Variants in SLC60A1 observed in about 807,000 individuals in gnomAD.
SLC60A1 encodes major facilitator superfamily domain containing 4.
At chr1:205,580,579 T>C in the SLC60A1 span, 1 of 1,537,732 alleles carries the variant, frequency 6.5e-7, no homozygotes, top group Non-Finnish European at 8.8e-7. This position sits in a 1 kb window ranked among gnomAD's most constrained non-coding sequence, Gnocchi z 5.0. Context: ...GTGTGGGTCC[T>C]CTGGACCGGA....
chr1:205,569,711 G>A, the SLC60A1 span, among the ~76,000 whole-genome samples: 82 of 152,164 alleles, frequency 5.4e-4, no homozygotes, highest in Middle Eastern at 3.4e-3. Context: ...CCCGGCTGCC[G>A]GGGGCGGGAT....
the SLC60A1 span, among the ~76,000 whole-genome samples, chr1:205,569,494 C>T: frequency 6.7e-6 from 1 of 148,328 alleles, no homozygotes; most frequent in African/African-American, 2.5e-5. Context: ...CTCCCTCCCT[C>T]CCCCGCAGCT....
the SLC60A1 span, chr1:205,586,155 C>T: frequency 2.5e-6 from 4 of 1,613,848 alleles, no homozygotes; most frequent in Non-Finnish European, 3.4e-6. Context: ...CGGCTCCTCT[C>T]CATTCCCATA....
the SLC60A1 span, among the ~76,000 whole-genome samples, chr1:205,592,914 T>C: frequency 6.6e-6 from 1 of 152,174 alleles, no homozygotes; most frequent in East Asian, 1.9e-4. Context: ...TTTTGTAAGC[T>C]AATTTTCAGT....
At chr1:205,579,157 C>T in the SLC60A1 span, among the ~76,000 whole-genome samples, 1 of 152,228 alleles carries the variant, frequency 6.6e-6, no homozygotes, top group Non-Finnish European at 1.5e-5. Flanking sequence ...GAGCCTGCGA[C>T]CTCTGCCTGC....
At chr1:205,588,602 G>A in the SLC60A1 span, among the ~76,000 whole-genome samples, 1 of 152,110 alleles carries the variant, frequency 6.6e-6, no homozygotes, top group East Asian at 1.9e-4. Context: ...GCTTTTGTGG[G>A]CACCCTGTTT....
At chr1:205,593,453 CAAAAAAAAAA>C in the SLC60A1 span, among the ~76,000 whole-genome samples, 1 of 83,530 alleles carries the variant, frequency 1.2e-5, no homozygotes, top group Non-Finnish European at 2.2e-5. Context: ...GACTCTGTCT[CAAAAAAAAAA>C]AAAAAAAAAA....
At chr1:205,592,111 C>G in the SLC60A1 span, 1 of 1,612,834 alleles carries the variant, frequency 6.2e-7, no homozygotes, top group Non-Finnish European at 8.5e-7. Flanking sequence ...TTTCGCAATT[C>G]CTAACCGCCT....
the SLC60A1 span, among the ~76,000 whole-genome samples, chr1:205,581,372 C>T: frequency 6.6e-6 from 1 of 152,226 alleles, no homozygotes; most frequent in African/African-American, 2.4e-5. This position sits in a 1 kb window ranked among gnomAD's most constrained non-coding sequence, Gnocchi z 4.2. Context: ...CTCTGAAGGG[C>T]CCTGCCTGCC....
At chr1:205,599,102 C>A in the SLC60A1 span, 1 of 1,612,532 alleles carries the variant, frequency 6.2e-7, no homozygotes. Flanking sequence ...TTTTAATTGT[C>A]TGTCTCTCTG....
the SLC60A1 span, among the ~76,000 whole-genome samples, chr1:205,596,416 T>C: frequency 6.6e-6 from 1 of 151,828 alleles, no homozygotes; most frequent in Non-Finnish European, 1.5e-5. Flanking sequence ...CTGGCCAACA[T>C]GGTGGAACCC....
At chr1:205,585,103 T>C in the SLC60A1 span, 2 of 831,858 alleles carry the variant, frequency 2.4e-6, no homozygotes, top group Admixed American at 2.3e-5. The surrounding 1 kb of genome is among the most constrained non-coding windows in gnomAD (Gnocchi z 4.2). Context: ...AGACTTCTCC[T>C]GGAGTACACT....
chr1:205,602,020 C>T, the SLC60A1 span: 2 of 152,242 alleles, frequency 1.3e-5, no homozygotes, highest in African/African-American at 2.4e-5. Context: ...TGAGGAGTTA[C>T]AGCTCCTGTC....
At chr1:205,572,553 C>T in the SLC60A1 span, among the ~76,000 whole-genome samples, 1 of 152,180 alleles carries the variant, frequency 6.6e-6, no homozygotes, top group Non-Finnish European at 1.5e-5. Flanking sequence ...GGCCATTGCA[C>T]CAAACCCTGT....
the SLC60A1 span, among the ~76,000 whole-genome samples, chr1:205,575,142 T>C: frequency 2.6e-5 from 4 of 152,130 alleles, no homozygotes; most frequent in African/African-American, 9.7e-5. Context: ...TCTACTGGTT[T>C]CTTGTCCCAG....
the SLC60A1 span, among the ~76,000 whole-genome samples, chr1:205,586,699 C>CTTTTTTTT: frequency 7.0e-6 from 1 of 142,318 alleles, no homozygotes; most frequent in Non-Finnish European, 1.5e-5. Flanking sequence ...CTAGGTGACT[C>CTTTTTTTT]TTTTTTTTTT....
the SLC60A1 span, chr1:205,580,586 C>G: frequency 1.3e-6 from 2 of 1,552,534 alleles, no homozygotes; most frequent in African/African-American, 2.7e-5. This position sits in a 1 kb window ranked among gnomAD's most constrained non-coding sequence, Gnocchi z 5.0. Flanking sequence ...TCCTCTGGAC[C>G]GGAGGCCAGG....
the SLC60A1 span, among the ~76,000 whole-genome samples, chr1:205,574,841 G>C: frequency 8.5e-5 from 13 of 152,212 alleles, no homozygotes; most frequent in Non-Finnish European, 1.6e-4. Flanking sequence ...GTGGGCCCCA[G>C]GGGATGCCAT....
At chr1:205,593,798 C>A in the SLC60A1 span, among the ~76,000 whole-genome samples, 1 of 152,178 alleles carries the variant, frequency 6.6e-6, no homozygotes, top group Non-Finnish European at 1.5e-5. Flanking sequence ...CTTAGCAGTT[C>A]ATTTCCTCCC....
Sources: allele counts gnomAD v4.1 joint callset (sites outside exome capture counted in the v4.1 genomes callset), GRCh38; gene constraint gnomAD v4.1.1; non-coding constraint Gnocchi (gnomAD v3.1); transcripts MANE v1.5; gene names NCBI Gene and HGNC (gene_info 2026-07-23, HGNC 2026-07-21).